SNTB1: variants seen among roughly 807,000 people sequenced by gnomAD.
SNTB1 encodes syntrophin beta 1.
In SNTB1, 36 loss-of-function variants were observed where a neutral mutation model predicts 48.9. The ratio of observed to expected loss-of-function variants is 0.74; its 90% CI spans 0.56 to 0.97. The LOEUF is 0.97. Among genes scored for constraint, SNTB1 ranks in the 50% least tolerant of loss-of-function variants. The pLI is 0.00. For synonymous variants in SNTB1, 299 were observed against 294.6 expected, an observed-to-expected ratio of 1.01 and a Z score of -0.15; for missense variants, 786 against 703.4, an observed-to-expected ratio of 1.12 and a Z score of -1.33.
At chr8:120,809,133 A>G (rs1820386908) in intron 1 of SNTB1, among the ~76,000 whole-genome samples, 1 of 152,186 alleles carries the variant, frequency 6.6e-6, no homozygotes, top group Admixed American at 6.5e-5. Context: ...AAAAGAGAGG[A>G]TTGTGATATT....
chr8:120,641,856 A>G (rs1817201974), intron 2 of SNTB1, among the ~76,000 whole-genome samples: 1 of 152,226 alleles, frequency 6.6e-6, no homozygotes, highest in Non-Finnish European at 1.5e-5. Flanking sequence ...CTTTTGCCTC[A>G]GGCAAAAATG....
chr8:120,649,664 G>T (rs1346534947), intron 2 of SNTB1, among the ~76,000 whole-genome samples: 1 of 150,884 alleles, frequency 6.6e-6, no homozygotes, highest in African/African-American at 2.4e-5. Context: ...ACAGAGGCAG[G>T]CAGGCCTCCT....
chr8:120,706,242 T>C (rs998128400), intron 1 of SNTB1, among the ~76,000 whole-genome samples: 1 of 152,176 alleles, frequency 6.6e-6, no homozygotes, highest in African/African-American at 2.4e-5. Flanking sequence ...AAATAAAAAG[T>C]GCTTGAAAAT....
chr8:120,750,484 T>C, intron 1 of SNTB1, among the ~76,000 whole-genome samples: 1 of 152,152 alleles, frequency 6.6e-6, no homozygotes, highest in East Asian at 1.9e-4. Flanking sequence ...TTCATCAAAA[T>C]CAAATTTGTC....
At chr8:120,744,977 C>T (rs957644233) in intron 1 of SNTB1, among the ~76,000 whole-genome samples, 1 of 152,184 alleles carries the variant, frequency 6.6e-6, no homozygotes, top group Non-Finnish European at 1.5e-5. Flanking sequence ...CCAAATCCAT[C>T]GTCTTTCTTG....
At position 120,632,515 on chromosome 8, in the gene SNTB1, T is replaced by G. The variant is rs1176148563; in HGVS notation, c.925A>C (p.Arg309=). ...DLLTRVIAEV[R]EQLGKTGIAG... ...ATGCCTGTTTTCCCCAGCTGCTCTC[T>G]GACCTCAGCAATCACTCGGGTCAGC... The change falls in exon 3 of 7, where the codon AGA becomes CGA. Residue 309 remains arginine, a synonymous_variant. Transcript: ENST00000517992. The G allele has an allele frequency of 6.2e-7, 1 of 1,614,196 alleles. No homozygotes were observed.
At chr8:120,653,478 C>A (rs1406808819) in intron 2 of SNTB1, among the ~76,000 whole-genome samples, 1 of 152,138 alleles carries the variant, frequency 6.6e-6, no homozygotes, top group Non-Finnish European at 1.5e-5. Flanking sequence ...ACCCTGCTGA[C>A]ATTTTGATTG....
Position 120,758,883 on chromosome 8 carries a change from C to T in SNTB1, c.571+52390G>A, listed in dbSNP as rs113050981. 3.1e-3 allele frequency among the ~76,000 whole-genome samples: 467 copies of T among 152,204 alleles called. 5 individuals are homozygous for T. The highest frequency in any genetic ancestry group is 0.011 in the African/African-American group (450 of 41,540). Reference sequence around the variant, plus strand: ...TATTTCCTTGTTGTCTGCATCCATCCTATCATCTAAGTCCAGCATGGACCC... The same window carrying T: ...TATTTCCTTGTTGTCTGCATCCATCTTATCATCTAAGTCCAGCATGGACCC... On this transcript the variant is annotated intron_variant, in intron 1 of 6. Transcript: ENST00000517992.
At chr8:120,552,596 G>C (rs1465579345) in intron 4 of SNTB1, among the ~76,000 whole-genome samples, 5 of 152,070 alleles carry the variant, frequency 3.3e-5, no homozygotes, top group Non-Finnish European at 7.4e-5. Context: ...GCCTGCCTTG[G>C]CCTCCCAAAG....
At chr8:120,799,939 C>T (rs1820194475) in intron 1 of SNTB1, among the ~76,000 whole-genome samples, 1 of 152,080 alleles carries the variant, frequency 6.6e-6, no homozygotes, top group African/African-American at 2.4e-5. Flanking sequence ...CTCTCATTTC[C>T]TGTTCCATAC....
At chr8:120,615,469 G>C (rs7839984) in intron 3 of SNTB1, among the ~76,000 whole-genome samples, 124,772 of 152,180 alleles carry the variant, frequency 0.82, 52,062 homozygotes, top group Middle Eastern at 0.91. Flanking sequence ...GATGAATATG[G>C]GGCCTCATTA....
chr8:120,694,958 C>G (rs1187017633), intron 1 of SNTB1, among the ~76,000 whole-genome samples: 1 of 152,082 alleles, frequency 6.6e-6, no homozygotes, highest in Non-Finnish European at 1.5e-5. Flanking sequence ...GTGAAGCAGA[C>G]TGAAGTTCTG....
intron 1 of SNTB1, among the ~76,000 whole-genome samples, chr8:120,800,654 C>A (rs1052539305): frequency 2.0e-5 from 3 of 151,870 alleles, no homozygotes; most frequent in Non-Finnish European, 4.4e-5. Flanking sequence ...TATGCATCAG[C>A]ATTGAAAAAG....
At chr8:120,617,796 G>A (rs1329080351) in intron 3 of SNTB1, among the ~76,000 whole-genome samples, 1 of 152,264 alleles carries the variant, frequency 6.6e-6, no homozygotes, top group Non-Finnish European at 1.5e-5. Context: ...CAGGGTGAAA[G>A]TGAAGAAGAG....
intron 1 of SNTB1, among the ~76,000 whole-genome samples, chr8:120,729,656 C>T (rs1818819443): frequency 6.6e-6 from 1 of 152,162 alleles, no homozygotes; most frequent in African/African-American, 2.4e-5. Context: ...CAATTGCTGT[C>T]ATTTTGATTA....
intron 3 of SNTB1, among the ~76,000 whole-genome samples, chr8:120,586,862 A>G (rs566851165): frequency 3.9e-5 from 6 of 152,310 alleles, no homozygotes; most frequent in African/African-American, 1.4e-4. Flanking sequence ...GGTAGATAAA[A>G]TAGTGACAAT....
chr8:120,543,932 G>T (rs117041961), intron 5 of SNTB1, among the ~76,000 whole-genome samples: 2 of 149,654 alleles, frequency 1.3e-5, no homozygotes, highest in Non-Finnish European at 3.0e-5. Context: ...TGTGCTGATA[G>T]CACTGCCTCC....
chr8:120,761,389 C>T (rs1428512464), intron 1 of SNTB1: 1 of 152,152 alleles, frequency 6.6e-6, no homozygotes, highest in Non-Finnish European at 1.5e-5. Context: ...TGGAATTGAC[C>T]CACAAGCCAT....
intron 2 of SNTB1, chr8:120,637,328 A>G: frequency 3.6e-6 from 1 of 278,338 alleles, no homozygotes; most frequent in Non-Finnish European, 7.5e-6. Flanking sequence ...AAGTGTAGAT[A>G]CCTCACTACC....
Sources: allele counts gnomAD v4.1 joint callset (sites outside exome capture counted in the v4.1 genomes callset), GRCh38; gene constraint gnomAD v4.1.1; transcripts MANE v1.5; gene names NCBI Gene and HGNC (gene_info 2026-07-23, HGNC 2026-07-21).